NRXN3: variants seen among roughly 807,000 people sequenced by gnomAD.
NRXN3 encodes neurexin 3, also known as neurexin III.
A neutral mutation model predicts 137.6 loss-of-function variants in NRXN3; 32 were observed. The ratio of observed to expected loss-of-function variants is 0.23; its 90% CI spans 0.18 to 0.31. The LOEUF (loss-of-function observed/expected upper bound fraction) is 0.31. Among genes scored for constraint, NRXN3 ranks in the 10% least tolerant of loss-of-function variants. The probability of loss-of-function intolerance (pLI) is 1.00; values close to 1 mark genes in which losing one functional copy is unlikely to be tolerated. For missense variants in NRXN3, 1,574 were observed against 2,062.5 expected (o/e 0.76, Z 4.59); for synonymous variants, 798 against 784.5 (o/e 1.02, Z -0.29).
chr14:79,565,189 G>T (rs1304231592), intron 16 of NRXN3, among the ~76,000 whole-genome samples: 1 of 135,432 alleles, frequency 7.4e-6, no homozygotes, highest in African/African-American at 2.9e-5. Flanking sequence ...TAAATGGATT[G>T]TAGCTAGTTT....
chr14:79,134,749 C>T (rs2058043090), intron 15 of NRXN3, among the ~76,000 whole-genome samples: 1 of 152,104 alleles, frequency 6.6e-6, no homozygotes, highest in African/African-American at 2.4e-5. Flanking sequence ...AGAGATAATT[C>T]AGCTGAGTTT....
chr14:78,286,101 G>T (rs1022980884), intron 3 of NRXN3, among the ~76,000 whole-genome samples: 2 of 152,168 alleles, frequency 1.3e-5, no homozygotes, highest in African/African-American at 2.4e-5. Flanking sequence ...ACCCACCGGG[G>T]TATTGGTTAT....
chr14:79,109,884 T>G (rs10131560), intron 15 of NRXN3, among the ~76,000 whole-genome samples: 2 of 152,220 alleles, frequency 1.3e-5, no homozygotes, highest in East Asian at 3.9e-4. Flanking sequence ...TCTATGAGGC[T>G]GTAGTTTTCT....
chr14:78,628,071 C>CTT (rs58835983), intron 4 of NRXN3, among the ~76,000 whole-genome samples: 7,001 of 134,014 alleles, frequency 0.052, 226 homozygotes, highest in Middle Eastern at 0.14. Context: ...TTGCAGAGTT[C>CTT]TTTTTTTTTT....
At chr14:79,858,974 A>G (rs1328019260) in intron 20 of NRXN3, among the ~76,000 whole-genome samples, 3 of 88,538 alleles carry the variant, frequency 3.4e-5, no homozygotes, top group East Asian at 8.0e-4. Flanking sequence ...TATGTTCACA[A>G]TGTAAAAAAA....
intron 15 of NRXN3, chr14:79,246,867 A>T (rs981080206): frequency 1.3e-5 from 2 of 152,158 alleles, no homozygotes; most frequent in African/African-American, 4.8e-5. Flanking sequence ...GCAATACTAG[A>T]CTTGCATTCC....
At chr14:78,247,107 C>T (rs188025342) in intron 2 of NRXN3, among the ~76,000 whole-genome samples, 9 of 152,306 alleles carry the variant, frequency 5.9e-5, no homozygotes, top group South Asian at 2.1e-4. Flanking sequence ...TTGTTGGAGG[C>T]GCCTTCTGTG....
At chr14:79,573,355 G>T (rs922858758) in intron 16 of NRXN3, among the ~76,000 whole-genome samples, 3 of 152,166 alleles carry the variant, frequency 2.0e-5, no homozygotes, top group African/African-American at 4.8e-5. Context: ...GGTGGGAGGT[G>T]GGGGGACGGG....
chr14:79,229,748 G>A (rs1008476720), intron 15 of NRXN3, among the ~76,000 whole-genome samples: 1 of 152,078 alleles, frequency 6.6e-6, no homozygotes, highest in Admixed American at 6.6e-5. Flanking sequence ...TGTCCGTCTT[G>A]TCCTCGTGCG....
intron 16 of NRXN3, among the ~76,000 whole-genome samples, chr14:79,572,375 T>C (rs2153799294): frequency 6.6e-6 from 1 of 152,320 alleles, no homozygotes; most frequent in South Asian, 2.1e-4. Context: ...TTGCTAAAGC[T>C]CTTCAGAACT....
At chr14:78,682,195 G>A (rs1188282330) in intron 6 of NRXN3, among the ~76,000 whole-genome samples, 16 of 152,040 alleles carry the variant, frequency 1.1e-4, no homozygotes, top group Admixed American at 6.6e-4. Context: ...GTTCATTCCA[G>A]TGCTGAAAAT....
intron 15 of NRXN3, among the ~76,000 whole-genome samples, chr14:79,097,570 A>G (rs1217167245): frequency 6.6e-6 from 1 of 152,174 alleles, no homozygotes; most frequent in East Asian, 1.9e-4. Context: ...TGAATGGGTG[A>G]TTTGTGGCTG....
chr14:79,119,467 A>G lies in NRXN3; in HGVS notation c.3262+131326A>G, dbSNP rs573751635. ...CACAAGTAATACATTTTTAAAAGCC[A>G]TACTTGGTGAGATTATATGATCCTT... On this transcript the variant is annotated intron_variant, in intron 15 of 20. Coordinates refer to ENST00000335750, the MANE Select transcript of NRXN3 (RefSeq NM_001330195.2). Among the ~76,000 whole-genome samples the G allele has an allele frequency of 1.5e-4, 23 of 152,326 alleles. No individual in the cohort carries two copies. In the South Asian group the frequency reaches 4.8e-3, roughly 32 times the overall value.
chr14:78,800,417 T>C (rs1462256568), intron 8 of NRXN3, among the ~76,000 whole-genome samples: 2 of 152,252 alleles, frequency 1.3e-5, no homozygotes, highest in Non-Finnish European at 2.9e-5. Flanking sequence ...CTTCTTTAGA[T>C]TCTGCCCTTC....
intron 10 of NRXN3, among the ~76,000 whole-genome samples, chr14:78,886,728 A>G (rs2099144878): frequency 6.6e-6 from 1 of 152,170 alleles, no homozygotes; most frequent in Non-Finnish European, 1.5e-5. Flanking sequence ...TTCATCTACT[A>G]GGCATGGACA....
chr14:79,041,571 T>C (rs918508030), intron 15 of NRXN3, among the ~76,000 whole-genome samples: 1 of 152,210 alleles, frequency 6.6e-6, no homozygotes, highest in African/African-American at 2.4e-5. Context: ...CTCATTAGTG[T>C]CTCAGTATCC....
At chr14:79,672,579 C>T (rs978537063) in intron 17 of NRXN3, among the ~76,000 whole-genome samples, 1 of 152,006 alleles carries the variant, frequency 6.6e-6, no homozygotes, top group African/African-American at 2.4e-5. Flanking sequence ...AAACAATCAT[C>T]AAATATTGCA....
chr14:79,667,137 T>A (rs1020040234), intron 17 of NRXN3, among the ~76,000 whole-genome samples: 1 of 152,026 alleles, frequency 6.6e-6, no homozygotes, highest in African/African-American at 2.4e-5. Context: ...AGATCAAAAT[T>A]CCCCGTGTCT....
At chr14:79,573,101 T>C (rs578107812) in intron 16 of NRXN3, 3 of 152,296 alleles carry the variant, frequency 2.0e-5, no homozygotes, top group Admixed American at 1.3e-4. Context: ...TTCTGCAGGT[T>C]TGATTGATCC....
Sources: allele counts gnomAD v4.1 joint callset (sites outside exome capture counted in the v4.1 genomes callset), GRCh38; gene constraint gnomAD v4.1.1; transcripts MANE v1.5; gene names NCBI Gene and HGNC (gene_info 2026-07-23, HGNC 2026-07-21).